PCDHA4: variants seen among roughly 807,000 people sequenced by gnomAD.
PCDHA4 encodes the protein protocadherin alpha-4.
A neutral mutation model predicts 61.4 loss-of-function variants in PCDHA4; 49 were observed. That is an observed-to-expected ratio of 0.80 (90% CI 0.63 to 1.01). PCDHA4 has a LOEUF of 1.01. PCDHA4 is among the 50% of genes least tolerant of loss of function. PCDHA4 has a pLI of 0.00. For synonymous variants in PCDHA4, 590 were observed against 550.3 expected (o/e 1.07, Z -1.01); for missense variants, 1,254 against 1,235.8 (o/e 1.01, Z -0.22).
intron 1 of PCDHA4, among the ~76,000 whole-genome samples, chr5:140,840,861 A>G (rs1776915355): frequency 6.6e-6 from 1 of 152,012 alleles, no homozygotes; most frequent in African/African-American, 2.4e-5. Flanking sequence ...ACACGAAACT[A>G]TGGAGGACAG....
Position 140,927,881 on chromosome 5 carries a change from T to C in PCDHA4, c.2386-51068T>C, listed in dbSNP as rs781982234. 10 of 1,613,978 alleles carry C rather than the reference T, an allele frequency of 6.2e-6. No homozygotes were observed. Among genetic ancestry groups the C allele is most frequent in the Non-Finnish European group, 8.5e-6 (10 of 1,180,010 alleles). Reference sequence around the variant, plus strand: ...AGCACCGCTAAACTGCTGGTGGAGGTGACTGACGTGAACGATCATGCCCCC... The same window carrying C: ...AGCACCGCTAAACTGCTGGTGGAGGCGACTGACGTGAACGATCATGCCCCC... On this transcript the variant is annotated intron_variant, in intron 1 of 3. Coordinates refer to ENST00000530339, the MANE Select transcript of PCDHA4 (RefSeq NM_018907.4).
chr5:140,970,019 A>G (rs1385793747), intron 1 of PCDHA4, among the ~76,000 whole-genome samples: 2 of 152,212 alleles, frequency 1.3e-5, no homozygotes, highest in Non-Finnish European at 2.9e-5. Context: ...ATGGTGAGGC[A>G]GAGAGATTAA....
intron 1 of PCDHA4, chr5:140,836,141 C>G (rs2150253789): frequency 3.1e-6 from 5 of 1,613,766 alleles, no homozygotes; most frequent in Non-Finnish European, 4.2e-6. Flanking sequence ...GGTCTGTGGG[C>G]GCGGGCCATG....
Position 140,808,965 on chromosome 5 carries a change from A to C in PCDHA4, c.1778A>C (p.Lys593Thr), listed in dbSNP as rs1554124924. The change falls in exon 1 of 4, where the codon AAG (lysine) becomes ACG (threonine). Residue 593 changes from lysine (K) to threonine (T), a missense_variant. By Grantham distance (78) the Lys-to-Thr change is moderately conservative. Coordinates refer to ENST00000530339, the MANE Select transcript of PCDHA4 (RefSeq NM_018907.4). ...WSVGVGHVVA[K>T]VRAVDADSGY... is the part of the protein sequence containing the mutation. Reference sequence around the variant, plus strand: ...GTGGGTGTGGGCCACGTGGTGGCAAAGGTGCGCGCGGTGGATGCTGACTCG... The same window carrying C: ...GTGGGTGTGGGCCACGTGGTGGCAACGGTGCGCGCGGTGGATGCTGACTCG... The C allele has an allele frequency of 1.9e-6, 3 of 1,613,528 alleles. No homozygotes were observed. The highest frequency in any genetic ancestry group is 1.7e-5 in the Admixed American group (1 of 59,982).
intron 1 of PCDHA4, chr5:140,876,539 C>G: frequency 6.2e-7 from 1 of 1,614,170 alleles, no homozygotes; most frequent in Non-Finnish European, 8.5e-7. Flanking sequence ...ACTTCACTGT[C>G]GCTCCCTGTG....
chr5:140,890,760 A>C (rs939413448), intron 1 of PCDHA4, among the ~76,000 whole-genome samples: 2 of 152,188 alleles, frequency 1.3e-5, no homozygotes, highest in Non-Finnish European at 2.9e-5. Flanking sequence ...ATGCTTTAAA[A>C]ATATTTTAAA....
At chr5:140,906,494 G>C (rs1327823813) in intron 1 of PCDHA4, among the ~76,000 whole-genome samples, 4 of 152,196 alleles carry the variant, frequency 2.6e-5, no homozygotes, top group African/African-American at 9.7e-5. Context: ...GCACAAACAT[G>C]TTTTTAACAA....
chr5:140,881,180 T>G (rs1054668567), intron 1 of PCDHA4: 1 of 167,342 alleles, frequency 6.0e-6, no homozygotes, highest in East Asian at 1.9e-4. Flanking sequence ...TTTTCCTTGC[T>G]AAAGATATGT....
At chr5:140,973,760 A>T (rs2153800993) in intron 1 of PCDHA4, among the ~76,000 whole-genome samples, 1 of 152,376 alleles carries the variant, frequency 6.6e-6, no homozygotes, top group Admixed American at 6.5e-5. Flanking sequence ...GCAGGGACAC[A>T]GCCTGGCATA....
intron 1 of PCDHA4, among the ~76,000 whole-genome samples, chr5:140,933,393 C>G (rs1419190705): frequency 2.6e-5 from 4 of 151,956 alleles, no homozygotes; most frequent in Admixed American, 1.3e-4. Context: ...CTAGAGCCAT[C>G]TGGTTACCAT....
intron 1 of PCDHA4, among the ~76,000 whole-genome samples, chr5:140,905,589 G>T (rs1336272963): frequency 4.6e-5 from 7 of 152,084 alleles, no homozygotes; most frequent in African/African-American, 1.7e-4. Context: ...ATGATATTTT[G>T]CTGGGAATTG....
At chr5:140,967,150 C>T (rs1400431511) in intron 1 of PCDHA4, 1 of 1,611,004 alleles carries the variant, frequency 6.2e-7, no homozygotes, top group Non-Finnish European at 8.5e-7. Context: ...CGCACAACCC[C>T]GTGGCGGTGA....
At chr5:140,849,820 C>A (rs2150451868) in intron 1 of PCDHA4, 1 of 1,598,424 alleles carries the variant, frequency 6.3e-7, no homozygotes, top group South Asian at 1.1e-5. Context: ...GCCAGGGTGT[C>A]TGTGGAGGTG....
intron 1 of PCDHA4, chr5:140,856,675 G>T (rs782417357): frequency 6.3e-7 from 1 of 1,597,790 alleles, no homozygotes; most frequent in South Asian, 1.1e-5. Context: ...AGCTAAAGTT[G>T]TTGTTGACAG....
At chr5:140,836,296 A>G (rs1294221854) in intron 1 of PCDHA4, 1 of 1,613,690 alleles carries the variant, frequency 6.2e-7, no homozygotes, top group Non-Finnish European at 8.5e-7. Flanking sequence ...CGAGCCCTAG[A>G]TGAGACGGAC....
At position 140,928,086 on chromosome 5, in the gene PCDHA4, G is replaced by A. The variant is rs17844363; in HGVS notation, c.2386-50863G>A. The A allele has an allele frequency of 1.9e-4, 304 of 1,614,206 alleles. No homozygotes were observed. The East Asian group carries it at 3.7e-3, about 20-fold the overall frequency. On this transcript the variant is annotated intron_variant, in intron 1 of 3. Transcript: ENST00000530339. ...CCTTTGACAACTACTACAGCCTGCT[G>A]ATTGATGGGCCCCTGGACCGGGAGC...
Position 140,963,207 on chromosome 5 carries a change from C to A in PCDHA4, c.2386-15742C>A, listed in dbSNP as rs180756619. Among the ~76,000 whole-genome samples, 890 of 148,428 alleles carry A rather than the reference C, an allele frequency of 6.0e-3. 8 individuals are homozygous for A. Among genetic ancestry groups the A allele is most frequent in the African/African-American group, 0.021 (788 of 38,366 alleles). On this transcript the variant is annotated intron_variant, in intron 1 of 3. Transcript: ENST00000530339. Reference sequence around the variant, plus strand: ...TAGACTGTGAAAATGAAAAAAAAAACCTCGTGTTTAGAGTAGACACTGTTT... The same window carrying A: ...TAGACTGTGAAAATGAAAAAAAAAAACTCGTGTTTAGAGTAGACACTGTTT...
rs2150365514 is a variant in PCDHA4 at position 140,843,720 on chromosome 5, G to C, written c.2385+34148G>C. 5.1e-6 allele frequency: 8 copies of C among 1,565,554 alleles called. 1 individual carries two copies. The South Asian group carries it at 9.0e-5, about 18-fold the overall frequency. ...AATGTTGATCATGGCCTCAAAGTAA[G>C]TCCATTTAAATTTAGAACTCATAAA... is the stretch of plus-strand genomic sequence containing the variant. On this transcript the variant is annotated intron_variant, in intron 1 of 3. Coordinates refer to ENST00000530339, the MANE Select transcript of PCDHA4 (RefSeq NM_018907.4).
At chr5:140,926,613 C>T (rs868988407) in intron 1 of PCDHA4, 87 of 374,818 alleles carry the variant, frequency 2.3e-4, no homozygotes, top group Middle Eastern at 2.1e-3. Context: ...GTCTCTGCAC[C>T]CCTAGGCGGC....
Sources: gnomAD v4.1 joint callset for allele counts (sites outside exome capture counted in the v4.1 genomes callset) on GRCh38, gnomAD v4.1.1 for gene constraint, MANE v1.5 for transcripts, NCBI Gene and HGNC (gene_info 2026-07-23, HGNC 2026-07-21) for gene names.